The following TCF4 variants were observed in gnomAD, a reference collection of about 807,000 sequenced individuals.
The protein encoded by TCF4 is transcription factor 4, also known as SL3-3 enhancer factor 2.
TCF4 carries 3 observed loss-of-function variants against 82.1 expected under a neutral mutation model. That is an observed-to-expected ratio of 0.04 (90% CI 0.02 to 0.09). The LOEUF is 0.09. Among genes scored for constraint, TCF4 ranks in the 10% least tolerant of loss-of-function variants. TCF4 has a pLI of 1.00. For synonymous variants in TCF4, 276 were observed against 309.6 expected (o/e 0.89, Z 1.14); for missense variants, 518 against 852.7 (o/e 0.61, Z 4.89).
intron 3 of TCF4, among the ~76,000 whole-genome samples, chr18:55,552,955 C>T (rs1300121988): frequency 2.0e-5 from 3 of 152,210 alleles, no homozygotes. Flanking sequence ...TCTACTCGCT[C>T]ACTGCTCATA....
At chr18:55,483,122 G>T (rs531843450) in intron 3 of TCF4, among the ~76,000 whole-genome samples, 2 of 152,148 alleles carry the variant, frequency 1.3e-5, no homozygotes, top group Non-Finnish European at 2.9e-5. Context: ...AGGCACCCTC[G>T]GCGACTCTTG....
intron 15 of TCF4, among the ~76,000 whole-genome samples, chr18:55,238,939 G>A (rs1599722333): frequency 6.6e-6 from 1 of 152,084 alleles, no homozygotes. Context: ...GCATTTTCCC[G>A]GTCCAGAGAG....
intron 4 of TCF4, among the ~76,000 whole-genome samples, chr18:55,461,892 T>G (rs193090225): frequency 6.6e-6 from 1 of 152,302 alleles, no homozygotes. Context: ...TGGGGAAATT[T>G]GATAACGCAA....
intron 5 of TCF4, among the ~76,000 whole-genome samples, chr18:55,441,429 G>A (rs909684528): frequency 6.6e-5 from 10 of 151,978 alleles, no homozygotes; most frequent in African/African-American, 2.4e-4. Context: ...TTTAACATAC[G>A]CAGATAAATC....
intron 5 of TCF4, among the ~76,000 whole-genome samples, chr18:55,448,173 G>A (rs1409590891): frequency 1.3e-5 from 2 of 152,148 alleles, no homozygotes; most frequent in African/African-American, 4.8e-5. Flanking sequence ...TAATCACAGT[G>A]ACCATGGAAA....
Position 55,321,742 on chromosome 18 carries a change from C to T in TCF4, c.549+28617G>A, listed in dbSNP as rs908950903. ...GGATTGTGTATGCGCAGTACATGGT[C>T]TCGGATTCTTTTTTCTCCTCAGTAC... is the stretch of plus-strand genomic sequence containing the variant. On this transcript the variant is annotated intron_variant, in intron 8 of 19. Coordinates refer to ENST00000354452, the MANE Select transcript of TCF4 (RefSeq NM_001083962.2). 9.8e-6 allele frequency: 15 copies of T among 1,535,844 alleles called. No individual in the cohort carries two copies. In the African/African-American group the frequency reaches 1.8e-4, roughly 18 times the overall value.
At chr18:55,529,744 A>C (rs549619714) in intron 3 of TCF4, among the ~76,000 whole-genome samples, 48 of 152,264 alleles carry the variant, frequency 3.2e-4, no homozygotes, top group African/African-American at 1.1e-3. Flanking sequence ...TCTAAAGGGA[A>C]GTAAATTGCC....
chr18:55,325,855 G>GT (rs2076463553), intron 8 of TCF4, among the ~76,000 whole-genome samples: 2 of 152,122 alleles, frequency 1.3e-5, no homozygotes, highest in Non-Finnish European at 2.9e-5. Flanking sequence ...ATAACATAGT[G>GT]TGAACAAGCC....
chr18:55,572,516 T>C (rs890718209), intron 3 of TCF4, among the ~76,000 whole-genome samples: 1 of 152,146 alleles, frequency 6.6e-6, no homozygotes, highest in Non-Finnish European at 1.5e-5. Flanking sequence ...ATTTTGTTCC[T>C]AATCAGGAGT....
intron 15 of TCF4, among the ~76,000 whole-genome samples, chr18:55,249,080 C>T (rs1039113461): frequency 3.3e-5 from 5 of 152,016 alleles, no homozygotes; most frequent in Admixed American, 2.0e-4. Flanking sequence ...TAGTGAGTAC[C>T]CATGGTTTGG....
chr18:55,508,650 G>A (rs1051661821), intron 3 of TCF4, among the ~76,000 whole-genome samples: 12 of 152,184 alleles, frequency 7.9e-5, no homozygotes, highest in African/African-American at 2.9e-4. Context: ...AAGTGGTCGA[G>A]CTGAGATTTA....
chr18:55,596,323 T>C, intron 2 of TCF4: 53 of 259,566 alleles, frequency 2.0e-4, no homozygotes, highest in Middle Eastern at 4.3e-4. Flanking sequence ...CTTGGTCTAC[T>C]TTTGTTTAAA....
chr18:55,243,402 C>T (rs1344671758), intron 15 of TCF4, among the ~76,000 whole-genome samples: 1 of 152,086 alleles, frequency 6.6e-6, no homozygotes, highest in East Asian at 1.9e-4. Flanking sequence ...GTATTATTGG[C>T]CCAAATGATT....
intron 6 of TCF4, 66 bp from the exon 7 acceptor site, chr18:55,351,069 G>T: frequency 6.3e-7 from 1 of 1,594,582 alleles, no homozygotes; most frequent in Non-Finnish European, 8.6e-7. Flanking sequence ...CCTCCCAACT[G>T]ATTGTTAGTA....
At chr18:55,317,770 A>G in intron 8 of TCF4, among the ~76,000 whole-genome samples, 1 of 152,066 alleles carries the variant, frequency 6.6e-6, no homozygotes. Context: ...TGATATTCAA[A>G]TATTCCTAAT....
rs59685050 is a variant in TCF4 at position 55,511,331 on chromosome 18, T to TAAAAAAAAAAAA, written c.146-47206_146-47195dup. Reference sequence around the variant, plus strand: ...AGGTAATAGAGTAATTCCAAAAGTTTAAAAAAAAAAAAAAAAAAAGCATTC... The same window carrying TAAAAAAAAAAAA: ...AGGTAATAGAGTAATTCCAAAAGTTTAAAAAAAAAAAAAAAAAAAAAAAAAAAAAAAGCATTC... On this transcript the variant is annotated intron_variant, in intron 3 of 19. Coordinates refer to ENST00000354452, the MANE Select transcript of TCF4 (RefSeq NM_001083962.2). Among the ~76,000 whole-genome samples the TAAAAAAAAAAAA allele has an allele frequency of 1.1e-4, 15 of 131,374 alleles. 3 individuals are homozygous for TAAAAAAAAAAAA. The highest frequency in any genetic ancestry group is 1.9e-4 in the Non-Finnish European group (12 of 63,414). The allele number at this position is 131,374 out of a possible 152,430, so 86.2% of individuals were successfully genotyped here. A position where few individuals can be genotyped will look rare whatever the true frequency, so the allele number is the denominator to read the frequency against.
chr18:55,547,033 C>T (rs1263557522), intron 3 of TCF4: 1 of 152,240 alleles, frequency 6.6e-6, no homozygotes, highest in African/African-American at 2.4e-5. Flanking sequence ...AAAACATTCT[C>T]CAAAGTTCCG....
chr18:55,633,806 A>G lies in TCF4; in HGVS notation c.195+1897T>C, dbSNP rs2097733637. Reference sequence around the variant, plus strand: ...TAAGCCCAAAGTAGGTCTGTGGGCTATAGTTTGTCAACCCTTGATATAGAG... The same window carrying G: ...TAAGCCCAAAGTAGGTCTGTGGGCTGTAGTTTGTCAACCCTTGATATAGAG... On this transcript the variant is annotated intron_variant, in intron 1 of 20. Transcript: ENST00000398339. This position sits in a 1 kb window ranked among gnomAD's most constrained non-coding sequence, Gnocchi z 4.0. Among the ~76,000 whole-genome samples the G allele has an allele frequency of 1.3e-5, 2 of 152,146 alleles. No homozygotes were observed. The highest frequency in any genetic ancestry group is 2.4e-5 in the African/African-American group (1 of 41,424).
At chr18:55,588,491 A>C (rs886053965), upstream of TCF4, 8 of 1,535,220 alleles carry the variant, frequency 5.2e-6, no homozygotes, top group Non-Finnish European at 6.1e-6. Context: ...TCAGATCGTC[A>C]GTTACAATCT....
Sources: gnomAD v4.1 joint callset for allele counts (sites outside exome capture counted in the v4.1 genomes callset) on GRCh38, gnomAD v4.1.1 for gene constraint, Gnocchi (gnomAD v3.1) non-coding constraint, MANE v1.5 for transcripts, NCBI Gene and HGNC (gene_info 2026-07-23, HGNC 2026-07-21) for gene names.